Variants in DAB2 observed in about 807,000 individuals in gnomAD.
DAB2 encodes the protein disabled homolog 2.
Under a neutral mutation model 71.6 loss-of-function variants are expected in DAB2, and 28 were observed. The observed-to-expected ratio is 0.39, with a 90% CI of 0.29 to 0.54. DAB2 has a LOEUF of 0.54. DAB2 is among the 20% of genes least tolerant of loss of function. The pLI, the probability that DAB2 is intolerant of heterozygous loss-of-function variation, is 0.68. For missense variants in DAB2, 867 were observed against 928.8 expected, an observed-to-expected ratio of 0.93 and a Z score of 0.86; for synonymous variants, 345 against 339.7, an observed-to-expected ratio of 1.02 and a Z score of -0.17.
At position 39,396,233 on chromosome 5, in the gene DAB2, GA is replaced by G. The variant is rs2112069231; in HGVS notation, c.-101-1813del. ...AAGTGAAGGCAAAGATATTTAAAAC[GA>G]CATACCTGCTAAGTGGTAGAACCAG... On this transcript the variant is annotated intron_variant, in intron 1 of 14. Transcript: ENST00000320816. Among the ~76,000 whole-genome samples, 3 of 152,228 alleles carry G rather than the reference GA, an allele frequency of 2.0e-5. No homozygotes were observed. In the East Asian group the frequency reaches 5.8e-4, roughly 29 times the overall value.
intron 9 of DAB2, chr5:39,385,153 A>C (rs1277673707): frequency 1.3e-5 from 2 of 152,174 alleles, no homozygotes; most frequent in Non-Finnish European, 2.9e-5. Context: ...TAAAAGAAGA[A>C]TTTGTCACAA....
chr5:39,395,018 G>A (rs922357488), intron 1 of DAB2, among the ~76,000 whole-genome samples: 1 of 152,156 alleles, frequency 6.6e-6, no homozygotes, highest in African/African-American at 2.4e-5. Flanking sequence ...GGAAATAATG[G>A]ATTGAGGGGG....
intron 3 of DAB2, among the ~76,000 whole-genome samples, 187 bp downstream of exon 3, chr5:39,393,067 T>C (rs1755273813): frequency 6.6e-6 from 1 of 152,204 alleles, no homozygotes; most frequent in Non-Finnish European, 1.5e-5. Flanking sequence ...TAAAATTAGG[T>C]ATCTAGGACA....
chr5:39,406,962 A>C (rs1332870049), intron 1 of DAB2, among the ~76,000 whole-genome samples: 1 of 152,238 alleles, frequency 6.6e-6, no homozygotes, highest in East Asian at 1.9e-4. Flanking sequence ...CAGTAAATGC[A>C]TGAGTTTTAC....
rs201601781 is a variant in DAB2, at chr5:39,376,857, C to T, written c.1930G>A (p.Gly644Arg). 108 of 1,614,064 alleles carry T rather than the reference C, an allele frequency of 6.7e-5. No homozygotes were observed. In the Admixed American group the frequency reaches 1.1e-3, roughly 16 times the overall value. The change falls in exon 12 of 15, where the codon GGG becomes AGG. Residue 644 changes from glycine (G) to arginine (R), a missense_variant. Physicochemically the swap from Gly to Arg is moderately radical, Grantham distance 125. Transcript: ENST00000320816. ...TTCACATCCTTGATCTCTTTATCCC[C>T]AAGTGGGTCTAAGGCAGTGAAGGCA... ...SDAFTALDPL[G>R]DKEIKDVKEM... is the part of the protein sequence containing the mutation.
intron 13 of DAB2, 112 bp from the exon 14 acceptor site, chr5:39,375,196 G>A: frequency 1.4e-6 from 1 of 730,646 alleles, no homozygotes; most frequent in South Asian, 1.7e-5. Flanking sequence ...AGGCCAATCA[G>A]CCAATCAAAC....
At chr5:39,388,546 A>G (rs1269163982) in intron 8 of DAB2, among the ~76,000 whole-genome samples, 179 bp from the exon 9 acceptor site, 3 of 152,216 alleles carry the variant, frequency 2.0e-5, no homozygotes, top group Admixed American at 1.3e-4. Context: ...CTCAAAGCAA[A>G]TCTATCTTGT....
At position 39,384,532 on chromosome 5, in the gene DAB2, G is replaced by A. The variant is rs775852166; in HGVS notation, c.688-1261C>T. 2.6e-5 allele frequency among the ~76,000 whole-genome samples: 4 copies of A among 152,030 alleles called. No homozygotes were observed. In the East Asian group the frequency reaches 7.7e-4, roughly 29 times the overall value. On this transcript the variant is annotated intron_variant, in intron 9 of 14. Coordinates refer to ENST00000320816, the MANE Select transcript of DAB2 (RefSeq NM_001343.4). The stretch of plus-strand genomic sequence containing the variant: ...GACTATTGTACAAGGTAGAGACATG[G>A]GTTTAAGAGTTAATTTGAAAGACAT...
intron 9 of DAB2, 108 bp downstream of exon 9, chr5:39,388,197 A>C (rs1043955914): frequency 2.5e-6 from 2 of 795,004 alleles, no homozygotes; most frequent in African/African-American, 3.5e-5. Flanking sequence ...TGCAAAAATC[A>C]ACAGTCACCT....
intron 1 of DAB2, among the ~76,000 whole-genome samples, chr5:39,401,331 T>C (rs1755494597): frequency 6.6e-6 from 1 of 152,242 alleles, no homozygotes; most frequent in Non-Finnish European, 1.5e-5. Context: ...GGAGGTATCA[T>C]TGCCTTTAAT....
At chr5:39,396,333 T>G (rs562831556) in intron 1 of DAB2, among the ~76,000 whole-genome samples, 2 of 152,356 alleles carry the variant, frequency 1.3e-5, no homozygotes, top group Admixed American at 1.3e-4. Flanking sequence ...GCTGAGAAGC[T>G]GTATTCCAGC....
intron 9 of DAB2, 92 bp downstream of exon 9, chr5:39,388,213 G>T: frequency 3.3e-6 from 3 of 914,388 alleles, no homozygotes; most frequent in Non-Finnish European, 5.2e-6. Flanking sequence ...CACCTTCCAA[G>T]TTTCAATGAG....
intron 1 of DAB2, among the ~76,000 whole-genome samples, chr5:39,394,996 T>A (rs908335873): frequency 2.0e-5 from 3 of 152,222 alleles, no homozygotes; most frequent in Admixed American, 6.5e-5. Flanking sequence ...CATTAACACT[T>A]ATTTGTATCA....
intron 4 of DAB2, among the ~76,000 whole-genome samples, chr5:39,391,678 G>C (rs972381606): frequency 1.3e-5 from 2 of 151,720 alleles, no homozygotes; most frequent in Admixed American, 6.6e-5. Flanking sequence ...ATTGAGTACA[G>C]AAAAAAAATC....
rs770018520 is a variant in DAB2, at chr5:39,382,720, C to T, written c.1239G>A (p.Lys413=). Residue 413 remains lysine, a synonymous_variant, in exon 10 of 15, where the codon AAG becomes AAA. Transcript: ENST00000320816. ...ACTGGACAGAGCTTTCCAAGTCCTG[C>T]TTTACGCCATTCTGTATGGACAGTC... is the stretch of plus-strand genomic sequence containing the variant. ...PKGLSIQNGV[K]QDLESSVQSS... is the part of the protein sequence containing the mutation. 2 of 1,614,188 alleles carry T rather than the reference C, an allele frequency of 1.2e-6. No individual in the cohort carries two copies. The highest frequency in any genetic ancestry group is 2.2e-5 in the South Asian group (2 of 91,082).
chr5:39,412,183 T>C (rs931682001), intron 1 of DAB2, among the ~76,000 whole-genome samples: 14 of 152,154 alleles, frequency 9.2e-5, no homozygotes, highest in African/African-American at 3.1e-4. Flanking sequence ...ATATTGTGCA[T>C]GGCCAGAGAG....
intron 1 of DAB2, among the ~76,000 whole-genome samples, chr5:39,404,443 A>C (rs2112086412): frequency 6.8e-6 from 1 of 147,372 alleles, no homozygotes; most frequent in Non-Finnish European, 1.5e-5. Flanking sequence ...TAAAAAATAA[A>C]TGCATGTATT....
chr5:39,408,174 A>G (rs1755647409), intron 1 of DAB2, among the ~76,000 whole-genome samples: 1 of 152,244 alleles, frequency 6.6e-6, no homozygotes, highest in Admixed American at 6.5e-5. Flanking sequence ...CTTGTAAATC[A>G]GCACAGAGCA....
chr5:39,377,429 T>A, intron 11 of DAB2, 147 bp from the exon 12 acceptor site: 1 of 821,288 alleles, frequency 1.2e-6, no homozygotes, highest in Non-Finnish European at 1.9e-6. Flanking sequence ...TATGACAGAT[T>A]AATCACTGTA....
Sources: allele counts gnomAD v4.1 joint callset (sites outside exome capture counted in the v4.1 genomes callset), GRCh38; gene constraint gnomAD v4.1.1; transcripts MANE v1.5; gene names NCBI Gene and HGNC (gene_info 2026-07-23, HGNC 2026-07-21).